Variants in CLC observed in about 807,000 individuals in gnomAD.
CLC encodes galectin-10.
In CLC, 15 loss-of-function variants were observed where a neutral mutation model predicts 13.9. The observed-to-expected ratio is 1.08, with a 90% CI of 0.72 to 1.66. The LOEUF (loss-of-function observed/expected upper bound fraction) is 1.66, where lower values mean the gene tolerates loss of function less well. Ranked by LOEUF, CLC falls within the 40% of genes most tolerant of loss-of-function variation. CLC has a pLI of 0.00. For synonymous variants in CLC, 68 were observed against 59.9 expected, an observed-to-expected ratio of 1.14 and a Z score of -0.63; for missense variants, 161 against 169.1, an observed-to-expected ratio of 0.95 and a Z score of 0.27.
intron 2 of CLC, among the ~76,000 whole-genome samples, chr19:39,734,732 A>G (rs1190863670): frequency 2.0e-5 from 3 of 152,110 alleles, no homozygotes; most frequent in African/African-American, 7.2e-5. Flanking sequence ...TGAATTGCCC[A>G]TTTTCTGAAT....
At chr19:39,736,556 C>T (rs1024656928) in intron 1 of CLC, among the ~76,000 whole-genome samples, 1 of 152,124 alleles carries the variant, frequency 6.6e-6, no homozygotes, top group Non-Finnish European at 1.5e-5. Flanking sequence ...GGGTGCATCA[C>T]TTGAGGTCAG....
intron 1 of CLC, 40 bp from the exon 2 acceptor site, chr19:39,735,113 G>T: frequency 1.4e-6 from 2 of 1,445,786 alleles, no homozygotes; most frequent in Non-Finnish European, 1.9e-6. Flanking sequence ...GGCAGGGCCA[G>T]GTGTGGCCTC....
At chr19:39,733,506 A>G (rs1324592232) in intron 3 of CLC, among the ~76,000 whole-genome samples, 2 of 152,198 alleles carry the variant, frequency 1.3e-5, no homozygotes, top group African/African-American at 4.8e-5. Context: ...ATACAGTAAC[A>G]TTTGTGAGAG....
chr19:39,737,903 C>G (rs1389383213), intron 1 of CLC, 35 bp downstream of exon 1: 3 of 1,602,588 alleles, frequency 1.9e-6, no homozygotes, highest in East Asian at 2.2e-5. Context: ...TCTGTGTGAC[C>G]TGAGATTATT....
chr19:39,737,163 G>A (rs1009227764), intron 1 of CLC, among the ~76,000 whole-genome samples: 1 of 151,936 alleles, frequency 6.6e-6, no homozygotes, highest in Non-Finnish European at 1.5e-5. Context: ...ACCTGAGGCT[G>A]GAGGCAGGAG....
In CLC at chr19:39,734,332, T is replaced by A. The variant is rs529249496; in HGVS notation, c.254A>T (p.Asp85Val). ...GATGCTCAGTTCAAATTCTTGGCCA[T>A]CCTGAAAGGGCATATTCTTGGATTC... is the stretch of plus-strand genomic sequence containing the variant. ...QVESKNMPFQDGQEFELSISV... is the reference protein window; with the variant it reads ...QVESKNMPFQVGQEFELSISV... Residue 85 changes from aspartate to valine, a missense_variant, in exon 3 of 4, where the codon GAT (aspartate) becomes GTT (valine). Physicochemically the swap from Asp to Val is radical, Grantham distance 152. Coordinates refer to ENST00000221804, the MANE Select transcript of CLC (RefSeq NM_001828.6). 2.2e-5 allele frequency: 36 copies of A among 1,613,958 alleles called. No homozygotes were observed. The highest frequency in any genetic ancestry group is 3.3e-4 in the Middle Eastern group (2 of 6,084).
chr19:39,731,491 G>A lies in CLC; in HGVS notation c.318C>T (p.Gly106=), dbSNP rs150767631. The A allele has an allele frequency of 5.6e-6, 9 of 1,607,890 alleles. No homozygotes were observed. The highest frequency in any genetic ancestry group is 1.1e-5 in the South Asian group (1 of 90,426). Residue 106 remains glycine (G), a synonymous_variant, in exon 4 of 4, where the codon GGC becomes GGT. Coordinates refer to ENST00000221804, the MANE Select transcript of CLC (RefSeq NM_001828.6). The part of the protein sequence containing the change: ...LPDKYQVMVN[G]QSSYTFDHRI... ...TATGGTCAAAGGTGTAAGAGGATTG[G>A]CCATTGACCATTACCTACAGAAGGA...
intron 3 of CLC, 88 bp downstream of exon 3, chr19:39,734,195 G>A (rs1323707194): frequency 4.2e-6 from 6 of 1,432,882 alleles, no homozygotes; most frequent in Non-Finnish European, 5.7e-6. Flanking sequence ...GGGGACAGAG[G>A]GAGTTATCTG....
chr19:39,736,384 A>G (rs1262350319), intron 1 of CLC, among the ~76,000 whole-genome samples: 1 of 152,184 alleles, frequency 6.6e-6, no homozygotes, highest in African/African-American at 2.4e-5. Context: ...ATTGTGGGTC[A>G]GGGAAGTTAT....
chr19:39,732,890 A>G (rs1346268671), intron 3 of CLC, among the ~76,000 whole-genome samples: 1 of 141,504 alleles, frequency 7.1e-6, no homozygotes, highest in East Asian at 2.0e-4. Flanking sequence ...CCAAAACACC[A>G]AAAGCAATGG....
At chr19:39,731,671 A>C (rs1967227828) in intron 3 of CLC, among the ~76,000 whole-genome samples, 166 bp from the exon 4 acceptor site, 1 of 152,158 alleles carries the variant, frequency 6.6e-6, no homozygotes, top group African/African-American at 2.4e-5. Context: ...TGTTGTAACT[A>C]TCTGAGACAG....
In CLC at chr19:39,737,989, C is replaced by T; in HGVS notation, c.-37G>A. ...TCTGGGTGGCTCTTCTGAATTGTGT[C>T]CAGACTTCTGTGTGAATCTCTGAGC... On this transcript the variant is annotated 5_prime_UTR_variant, in exon 1 of 4. Coordinates refer to ENST00000221804, the MANE Select transcript of CLC (RefSeq NM_001828.6). The T allele has an allele frequency of 1.2e-6, 2 of 1,607,384 alleles. No individual in the cohort carries two copies. Among genetic ancestry groups the T allele is most frequent in the Middle Eastern group, 1.7e-4 (1 of 6,028 alleles).
intron 3 of CLC, chr19:39,733,910 T>C: frequency 1.0e-6 from 1 of 984,120 alleles, no homozygotes; most frequent in South Asian, 4.7e-5. Flanking sequence ...TACATGAAAA[T>C]TTAAATAACA....
chr19:39,736,470 T>C (rs1175984416), intron 1 of CLC, among the ~76,000 whole-genome samples: 1 of 152,112 alleles, frequency 6.6e-6, no homozygotes, highest in Non-Finnish European at 1.5e-5. Context: ...TGGAATGCAG[T>C]GGCACCATCA....
At position 39,734,505 on chromosome 19, in the gene CLC, G is replaced by A; in HGVS notation, c.93-12C>T. The stretch of plus-strand genomic sequence containing the variant: ...GATATGGTTCATTCCTGAGGGCAGA[G>A]CACACAGTGTTGAGCAGGTCCCTTT... On this transcript the variant is annotated splice_polypyrimidine_tract_variant and intron_variant, in intron 2 of 3. Coordinates refer to ENST00000221804, the MANE Select transcript of CLC (RefSeq NM_001828.6). The A allele has an allele frequency of 6.2e-7, 1 of 1,609,946 alleles. No individual in the cohort carries two copies. The highest frequency in any genetic ancestry group is 8.5e-7 in the Non-Finnish European group (1 of 1,176,244).
chr19:39,737,056 T>G (rs1161367299), intron 1 of CLC, among the ~76,000 whole-genome samples: 1 of 152,012 alleles, frequency 6.6e-6, no homozygotes, highest in Non-Finnish European at 1.5e-5. Flanking sequence ...TTCCTGGTTT[T>G]GGGTGATTCA....
intron 3 of CLC, among the ~76,000 whole-genome samples, chr19:39,732,642 C>A (rs1354313749): frequency 7.6e-6 from 1 of 131,806 alleles, no homozygotes; most frequent in Non-Finnish European, 1.6e-5. Flanking sequence ...GTTCTAGATC[C>A]CTGAGGAATC....
intron 3 of CLC, among the ~76,000 whole-genome samples, chr19:39,733,246 A>G (rs574969146): frequency 3.5e-4 from 53 of 152,350 alleles, no homozygotes; most frequent in Non-Finnish European, 6.9e-4. Context: ...TTAACAGCGT[A>G]TAAACATAGA....
Position 39,734,424 on chromosome 19 carries a change from G to T in CLC, c.162C>A (p.Phe54Leu). 1 of 1,614,148 alleles carries T rather than the reference G, an allele frequency of 6.2e-7. No individual in the cohort carries two copies. Among genetic ancestry groups the T allele is most frequent in the Non-Finnish European group, 8.5e-7 (1 of 1,179,990 alleles). ...CCACACGACGACCAAAGCACACTTGGAAATGGAAGACAATGTCTGATTCCT... is the reference window on the plus strand; with the variant it reads ...CCACACGACGACCAAAGCACACTTGTAAATGGAAGACAATGTCTGATTCCT... ...MKEESDIVFH[F>L]QVCFGRRVVM... Residue 54 changes from phenylalanine (F) to leucine (L), a missense_variant, in exon 3 of 4, where the codon TTC becomes TTA. Coordinates refer to ENST00000221804, the MANE Select transcript of CLC (RefSeq NM_001828.6).
Sources: allele counts gnomAD v4.1 joint callset (sites outside exome capture counted in the v4.1 genomes callset), GRCh38; gene constraint gnomAD v4.1.1; transcripts MANE v1.5; gene names NCBI Gene and HGNC (gene_info 2026-07-23, HGNC 2026-07-21).